The following EVI5 variants were observed in gnomAD, a reference collection of about 807,000 sequenced individuals.
EVI5 encodes the protein ecotropic viral integration site 5 protein homolog.
A neutral mutation model predicts 112.0 loss-of-function variants in EVI5; 73 were observed. That is an observed-to-expected ratio of 0.65 (90% CI 0.54 to 0.79). The LOEUF (loss-of-function observed/expected upper bound fraction) is 0.79. EVI5 is among the 30% of genes least tolerant of loss of function. The pLI is 0.00. For synonymous variants in EVI5, 305 were observed against 319.9 expected, an observed-to-expected ratio of 0.95 and a Z score of 0.50; for missense variants, 900 against 968.8, an observed-to-expected ratio of 0.93 and a Z score of 0.94.
intron 13 of EVI5, among the ~76,000 whole-genome samples, chr1:92,641,127 T>C (rs1322549746): frequency 1.3e-5 from 2 of 152,148 alleles, no homozygotes; most frequent in Non-Finnish European, 2.9e-5. Context: ...CAAGCCACCA[T>C]GGCACACATA....
At chr1:92,587,445 C>T (rs1673005758) in intron 18 of EVI5, among the ~76,000 whole-genome samples, 1 of 146,692 alleles carries the variant, frequency 6.8e-6, no homozygotes, top group Non-Finnish European at 1.5e-5. Context: ...AAAGTACAAA[C>T]TAATCACAAA....
chr1:92,742,667 C>T (rs559835339), intron 1 of EVI5, among the ~76,000 whole-genome samples: 116 of 151,370 alleles, frequency 7.7e-4, no homozygotes, highest in African/African-American at 2.7e-3. Flanking sequence ...GACCAAAACT[C>T]TGTCTCACAA....
rs547031242 is a variant in EVI5, at chr1:92,617,243, T to C, written c.1827+6933A>G. ...GAGCAGAGCACTTGGTTGTGCACTC[T>C]GCATGGAAGTAGAAATGGCCAGATG... On this transcript the variant is annotated intron_variant, in intron 16 of 19. Coordinates refer to ENST00000684568, the MANE Select transcript of EVI5 (RefSeq NM_001350197.2). Among the ~76,000 whole-genome samples the C allele has an allele frequency of 5.0e-4, 76 of 152,350 alleles. 1 individual carries two copies. The highest frequency in any genetic ancestry group is 5.7e-4 in the Non-Finnish European group (39 of 68,030).
At chr1:92,734,916 A>T (rs150477512) in intron 2 of EVI5, among the ~76,000 whole-genome samples, 22 of 152,362 alleles carry the variant, frequency 1.4e-4, no homozygotes, top group African/African-American at 4.6e-4. Flanking sequence ...AGAGAAATGC[A>T]AATTAAAACC....
intron 19 of EVI5, among the ~76,000 whole-genome samples, chr1:92,520,544 C>G (rs1281146075): frequency 1.3e-5 from 2 of 152,034 alleles, no homozygotes; most frequent in South Asian, 2.1e-4. Context: ...GTAAAGATGC[C>G]AAAACTGAAC....
intron 1 of EVI5, among the ~76,000 whole-genome samples, chr1:92,770,745 G>A (rs1158356182): frequency 1.3e-4 from 20 of 151,532 alleles, no homozygotes; most frequent in Non-Finnish European, 2.4e-4. Context: ...AGCCGAAATC[G>A]CGCCACTGAA....
chr1:92,782,187 A>G (rs1303974258), intron 1 of EVI5, among the ~76,000 whole-genome samples: 2 of 150,312 alleles, frequency 1.3e-5, no homozygotes, highest in Non-Finnish European at 3.0e-5. Context: ...TGAACCCGGG[A>G]GGCGAGGGTG....
chr1:92,748,621 C>G (rs1164162642), intron 1 of EVI5, among the ~76,000 whole-genome samples: 1 of 152,072 alleles, frequency 6.6e-6, no homozygotes, highest in Non-Finnish European at 1.5e-5. Context: ...TGAAATAAAA[C>G]CAAGAAACTA....
chr1:92,654,629 T>C (rs1481426050), intron 13 of EVI5, among the ~76,000 whole-genome samples: 1 of 152,242 alleles, frequency 6.6e-6, no homozygotes, highest in African/African-American at 2.4e-5. Context: ...GACAGTGTTA[T>C]GACATTCTCA....
intron 19 of EVI5, among the ~76,000 whole-genome samples, chr1:92,528,210 C>T (rs1318916224): frequency 2.6e-5 from 4 of 152,162 alleles, no homozygotes; most frequent in East Asian, 1.9e-4. Flanking sequence ...AGTGAAGATA[C>T]GGAATAGGAA....
intron 18 of EVI5, among the ~76,000 whole-genome samples, chr1:92,564,441 A>G (rs1476544839): frequency 2.0e-5 from 3 of 152,066 alleles, no homozygotes; most frequent in East Asian, 1.9e-4. Flanking sequence ...AAGGGGGGAA[A>G]AAAAAGAAAA....
intron 2 of EVI5, among the ~76,000 whole-genome samples, chr1:92,711,447 A>C (rs1218156685): frequency 6.6e-6 from 1 of 152,220 alleles, no homozygotes; most frequent in Non-Finnish European, 1.5e-5. Flanking sequence ...ATAATTTATA[A>C]GGAGCTAAGA....
chr1:92,679,750 A>G (rs1346196014), intron 9 of EVI5, among the ~76,000 whole-genome samples: 1 of 152,186 alleles, frequency 6.6e-6, no homozygotes, highest in Admixed American at 6.5e-5. Context: ...GGTATTTTGT[A>G]GTTATCATTA....
At chr1:92,681,590 CA>C (rs1667597555) in intron 9 of EVI5, among the ~76,000 whole-genome samples, 1 of 152,154 alleles carries the variant, frequency 6.6e-6, no homozygotes, top group African/African-American at 2.4e-5. Context: ...TTCACCTGGC[CA>C]ACCTTCATTA....
intron 2 of EVI5, among the ~76,000 whole-genome samples, chr1:92,723,165 A>T (rs2102711085): frequency 6.6e-6 from 1 of 152,360 alleles, no homozygotes; most frequent in African/African-American, 2.4e-5. Flanking sequence ...AAATAATCTC[A>T]GCAGTAAAAT....
At chr1:92,759,428 T>C (rs1681463443) in intron 1 of EVI5, among the ~76,000 whole-genome samples, 1 of 152,200 alleles carries the variant, frequency 6.6e-6, no homozygotes, top group Non-Finnish European at 1.5e-5. Context: ...GTGAACTAGC[T>C]ACAAGTCCTT....
At chr1:92,525,269 T>TTC (rs1661677081) in intron 19 of EVI5, among the ~76,000 whole-genome samples, 2 of 139,918 alleles carry the variant, frequency 1.4e-5, no homozygotes, top group African/African-American at 2.7e-5. Context: ...GACAATGCCT[T>TTC]TTTTTTTTTT....
intron 1 of EVI5, among the ~76,000 whole-genome samples, chr1:92,775,830 C>T (rs764071598): frequency 6.6e-6 from 1 of 151,894 alleles, no homozygotes; most frequent in Non-Finnish European, 1.5e-5. Context: ...AATTTGAGGC[C>T]GGGCACGGTG....
At chr1:92,703,697 T>G in intron 3 of EVI5, 78 bp from the exon 4 acceptor site, 2 of 860,152 alleles carry the variant, frequency 2.3e-6, no homozygotes, top group South Asian at 1.6e-5. Context: ...TATTAGGGGG[T>G]TGGAATGAAG....
Sources: allele counts gnomAD v4.1 joint callset (sites outside exome capture counted in the v4.1 genomes callset), GRCh38; gene constraint gnomAD v4.1.1; transcripts MANE v1.5; gene names NCBI Gene and HGNC (gene_info 2026-07-23, HGNC 2026-07-21).